NSMF: variants seen among roughly 807,000 people sequenced by gnomAD.
NSMF encodes the protein nasal embryonic LHRH factor.
A neutral mutation model predicts 71.0 loss-of-function variants in NSMF; 31 were observed. The ratio of observed to expected loss-of-function variants is 0.44; its 90% CI spans 0.33 to 0.59. The LOEUF (loss-of-function observed/expected upper bound fraction) is 0.59, where lower values mean the gene tolerates loss of function less well. Ranked by LOEUF, NSMF falls within the 20% of genes least tolerant of loss-of-function variation. The pLI is 0.04. For synonymous variants in NSMF, 345 were observed against 287.1 expected, an observed-to-expected ratio of 1.20 and a Z score of -2.04; for missense variants, 673 against 740.5, an observed-to-expected ratio of 0.91 and a Z score of 1.06.
At position 137,453,893 on chromosome 9, in the gene NSMF, G is replaced by A. The variant is rs1397962150; in HGVS notation, c.833-73C>T. The A allele has an allele frequency of 7.8e-7, 1 of 1,277,870 alleles. No individual in the cohort carries two copies. The highest frequency in any genetic ancestry group is 1.1e-6 in the Non-Finnish European group (1 of 913,522). The allele number at this position is 1,277,870 out of a possible 1,614,324, so 79.2% of individuals were successfully genotyped here. On this transcript the variant is annotated intron_variant, in intron 7 of 15. Transcript: ENST00000371475. This position sits in a 1 kb window ranked among gnomAD's most constrained non-coding sequence, Gnocchi z 4.5. ...GGGAGTCTCAGACCCCAGGCGAGGGGACCACAGGGGCCCTGGGCAGAGGAG... is the reference window on the plus strand; with the variant it reads ...GGGAGTCTCAGACCCCAGGCGAGGGAACCACAGGGGCCCTGGGCAGAGGAG...
chr9:137,458,602 A>C (rs1588513409), intron 1 of NSMF, 53 bp from the exon 2 acceptor site: 2 of 1,505,526 alleles, frequency 1.3e-6, no homozygotes, highest in Non-Finnish European at 1.8e-6. Flanking sequence ...CCTCCCAAAC[A>C]CCGGGCCGCG....
At chr9:137,458,097 G>C (rs924582741) in intron 2 of NSMF, among the ~76,000 whole-genome samples, 196 bp from the exon 3 acceptor site, 4 of 152,212 alleles carry the variant, frequency 2.6e-5, no homozygotes, top group Non-Finnish European at 5.9e-5. Flanking sequence ...TGTGCGTGGG[G>C]GCTGGGTGAC....
Position 137,449,061 on chromosome 9 carries a change from G to T in NSMF, c.*333C>A. On this transcript the variant is annotated 3_prime_UTR_variant, in exon 16 of 16. Transcript: ENST00000371475. ...GCTGCTTCCCTTTGAATTGTTTCGG[G>T]GGTGTAGAAATTGCACTTATTTCTA... is the stretch of plus-strand genomic sequence containing the variant. The T allele has an allele frequency of 2.1e-6, 1 of 473,016 alleles. No individual in the cohort carries two copies. The highest frequency in any genetic ancestry group is 3.4e-5 in the Admixed American group (1 of 29,454). The allele number at this position is 473,016 out of a possible 1,614,324, so 29.3% of individuals were successfully genotyped here.
Position 137,449,059 on chromosome 9 carries a change from G to A in NSMF, c.*335C>T, listed in dbSNP as rs765091660. 4.5e-5 allele frequency: 21 copies of A among 463,756 alleles called. No individual in the cohort carries two copies. Among genetic ancestry groups the A allele is most frequent in the Non-Finnish European group, 6.8e-5 (17 of 250,188 alleles). The allele number at this position is 463,756 out of a possible 1,614,324, so 28.7% of individuals were successfully genotyped here. ...ATGCTGCTTCCCTTTGAATTGTTTCGGGGGTGTAGAAATTGCACTTATTTC... is the reference window on the plus strand; with the variant it reads ...ATGCTGCTTCCCTTTGAATTGTTTCAGGGGTGTAGAAATTGCACTTATTTC... On this transcript the variant is annotated 3_prime_UTR_variant, in exon 16 of 16. Transcript: ENST00000371475.
intron 4 of NSMF, 177 bp downstream of exon 4, chr9:137,456,234 G>T: frequency 1.4e-6 from 1 of 717,340 alleles, no homozygotes; most frequent in Non-Finnish European, 2.6e-6. Context: ...CACCAGCCAT[G>T]GGAGGGGAAG....
chr9:137,455,484 T>A, intron 5 of NSMF, 145 bp downstream of exon 5: 1 of 1,179,654 alleles, frequency 8.5e-7, no homozygotes, highest in Non-Finnish European at 1.2e-6. Flanking sequence ...TGCTGCGACC[T>A]CGGTGCCCGC....
intron 12 of NSMF, among the ~76,000 whole-genome samples, chr9:137,451,989 C>T (rs115655192): frequency 6.6e-4 from 29 of 44,124 alleles, no homozygotes; most frequent in African/African-American, 3.3e-3. Context: ...CGTTTCCCCC[C>T]GCCACACGCC....
chr9:137,450,286 C>T lies in NSMF; in HGVS notation c.1237-31G>A, dbSNP rs543854654. 4.5e-6 allele frequency: 7 copies of T among 1,569,592 alleles called. No homozygotes were observed. The Admixed American group carries it at 6.7e-5, about 15-fold the overall frequency. On this transcript the variant is annotated intron_variant, in intron 12 of 15. Coordinates refer to ENST00000371475, the MANE Select transcript of NSMF (RefSeq NM_001130969.3). ...AGAAGCTGTGGTCAGGCATCTGCTCCTCCTTCCTCCCCCTCTCCGACACAC... is the reference window on the plus strand; with the variant it reads ...AGAAGCTGTGGTCAGGCATCTGCTCTTCCTTCCTCCCCCTCTCCGACACAC...
chr9:137,454,765 A>G, intron 6 of NSMF: 1 of 1,420,866 alleles, frequency 7.0e-7, no homozygotes, highest in Non-Finnish European at 9.3e-7. Flanking sequence ...CTCCACGCCC[A>G]TGTGGCAGAG....
At position 137,455,097 on chromosome 9, in the gene NSMF, G is replaced by A. The variant is rs768618957; in HGVS notation, c.779+142C>T. On this transcript the variant is annotated intron_variant, in intron 6 of 15. Transcript: ENST00000371475. The stretch of plus-strand genomic sequence containing the variant: ...CAGCCCGGGCCACATGGCCTCTCCT[G>A]CCTGCCACGTCCCCAGAGCAGGGCC... The A allele has an allele frequency of 1.7e-5, 16 of 914,384 alleles. No homozygotes were observed. In the East Asian group the frequency reaches 4.0e-4, roughly 23 times the overall value. 56.6% of individuals were successfully genotyped at this position (914,384 alleles called of 1,614,324 possible).
Position 137,450,305 on chromosome 9 carries a change from G to A in NSMF, c.1237-50C>T, listed in dbSNP as rs375866307. On this transcript the variant is annotated intron_variant, in intron 12 of 15. Coordinates refer to ENST00000371475, the MANE Select transcript of NSMF (RefSeq NM_001130969.3). ...CTGCTCCTCCTTCCTCCCCCTCTCCGACACACATGCACCCACGCACATGCG... is the reference window on the plus strand; with the variant it reads ...CTGCTCCTCCTTCCTCCCCCTCTCCAACACACATGCACCCACGCACATGCG... The A allele has an allele frequency of 5.3e-5, 78 of 1,459,564 alleles. No homozygotes were observed. In the African/African-American group the frequency reaches 8.5e-4, roughly 16 times the overall value. The allele number at this position is 1,459,564 out of a possible 1,614,324, so 90.4% of individuals were successfully genotyped here. A position where few individuals can be genotyped will look rare whatever the true frequency, so the allele number is the denominator to read the frequency against.
chr9:137,454,945 C>T (rs1830756306), intron 6 of NSMF: 1 of 702,296 alleles, frequency 1.4e-6, no homozygotes. Context: ...ACATCCAAAA[C>T]GGGCAAAAAA....
At chr9:137,450,144 C>T (rs377373021) in intron 13 of NSMF, 32 bp downstream of exon 13, 1 of 1,607,070 alleles carries the variant, frequency 6.2e-7, no homozygotes, top group Non-Finnish European at 8.5e-7. Flanking sequence ...TGCCTCCAGC[C>T]CTCCCCGCGC....
intron 1 of NSMF, 121 bp from the exon 2 acceptor site, chr9:137,458,670 G>A (rs1830999318): frequency 1.0e-6 from 1 of 988,148 alleles, no homozygotes; most frequent in South Asian, 1.4e-5. Flanking sequence ...GAGGGTCGGG[G>A]TCGTCCCCCT....
In NSMF at chr9:137,453,027, A is replaced by G. The variant is rs1830619916; in HGVS notation, c.1047+29T>C. The G allele has an allele frequency of 1.2e-6, 2 of 1,611,350 alleles. No homozygotes were observed. The highest frequency in any genetic ancestry group is 1.7e-6 in the Non-Finnish European group (2 of 1,179,856). On this transcript the variant is annotated intron_variant, in intron 9 of 15. Coordinates refer to ENST00000371475, the MANE Select transcript of NSMF (RefSeq NM_001130969.3). This position sits in a 1 kb window ranked among gnomAD's most constrained non-coding sequence, Gnocchi z 4.5. The stretch of plus-strand genomic sequence containing the variant: ...TGGGGCGGAGTCCTGCTCGGGGTGT[A>G]GAGGAGCACTGCCCGGGCTGGGCCT...
Position 137,453,482 on chromosome 9 carries a change from CCT to C in NSMF, c.922+247_922+248del, listed in dbSNP as rs1830652047. The C allele has an allele frequency of 3.3e-6, 2 of 599,314 alleles. No homozygotes were observed. Among genetic ancestry groups the C allele is most frequent in the Admixed American group, 6.0e-5 (2 of 33,410 alleles). 37.1% of individuals were successfully genotyped at this position (599,314 alleles called of 1,614,324 possible). On this transcript the variant is annotated intron_variant, in intron 8 of 15. Transcript: ENST00000371475. The surrounding 1 kb of genome is among the most constrained non-coding windows in gnomAD (Gnocchi z 4.5). Reference sequence around the variant, plus strand: ...GGGGCGGGCACCGCAGCCCCCTGCCCCTGAGGGCCTCTTGCGAGTGGCGGTGG... The same window carrying C: ...GGGGCGGGCACCGCAGCCCCCTGCCCGAGGGCCTCTTGCGAGTGGCGGTGG...
chr9:137,455,691 C>G, intron 4 of NSMF, 57 bp from the exon 5 acceptor site: 1 of 1,546,782 alleles, frequency 6.5e-7, no homozygotes, highest in Non-Finnish European at 8.7e-7. Flanking sequence ...AGCTCAACCC[C>G]GGGCCTCCCC....
In NSMF at chr9:137,457,757, G is replaced by C. The variant is rs765522311; in HGVS notation, c.278C>G (p.Ala93Gly). 6.4e-7 allele frequency: 1 copy of C among 1,559,678 alleles called. No individual in the cohort carries two copies. Among genetic ancestry groups the C allele is most frequent in the South Asian group, 1.2e-5 (1 of 84,742 alleles). Reference sequence around the variant, plus strand: ...CACTCGAGGCTGAGGGCCCTCGCCTGCGGGCTTCCTAATGCTGGGCTCCTC... The same window carrying C: ...CACTCGAGGCTGAGGGCCCTCGCCTCCGGGCTTCCTAATGCTGGGCTCCTC... Reference protein sequence around the residue: ...LSEEPSIRKPAGEGPQPRVYT... With the variant: ...LSEEPSIRKPGGEGPQPRVYT... The change falls in exon 3 of 16, where the codon GCA becomes GGA. Residue 93 changes from alanine to glycine, a missense_variant. Transcript: ENST00000371475.
In NSMF at chr9:137,453,472, G is replaced by A; in HGVS notation, c.922+259C>T. 1.7e-6 allele frequency: 1 copy of A among 598,628 alleles called. No individual in the cohort carries two copies. 37.1% of individuals were successfully genotyped at this position (598,628 alleles called of 1,614,324 possible). On this transcript the variant is annotated intron_variant, in intron 8 of 15. Coordinates refer to ENST00000371475, the MANE Select transcript of NSMF (RefSeq NM_001130969.3). This position sits in a 1 kb window ranked among gnomAD's most constrained non-coding sequence, Gnocchi z 4.5. The stretch of plus-strand genomic sequence containing the variant: ...GGAGGGAGTGGGGGCGGGCACCGCA[G>A]CCCCCTGCCCCTGAGGGCCTCTTGC...
Sources: allele counts gnomAD v4.1 joint callset (sites outside exome capture counted in the v4.1 genomes callset), GRCh38; gene constraint gnomAD v4.1.1; non-coding constraint Gnocchi (gnomAD v3.1); transcripts MANE v1.5; gene names NCBI Gene and HGNC (gene_info 2026-07-23, HGNC 2026-07-21).